Variants in ATF1 observed in about 807,000 individuals in gnomAD.
ATF1 encodes the protein cyclic AMP-dependent transcription factor ATF-1.
A neutral mutation model predicts 34.7 loss-of-function variants in ATF1; 16 were observed. The observed-to-expected ratio is 0.46, with a 90% CI of 0.31 to 0.70. ATF1 has a LOEUF of 0.70. Among genes scored for constraint, ATF1 ranks in the 30% least tolerant of loss-of-function variants. The pLI is 0.05. For synonymous variants in ATF1, 105 were observed against 113.1 expected (o/e 0.93, Z 0.46); for missense variants, 255 against 321.6 (o/e 0.79, Z 1.58).
chr12:50,817,037 A>G (rs919462043), intron 6 of ATF1, among the ~76,000 whole-genome samples: 6 of 152,354 alleles, frequency 3.9e-5, no homozygotes, highest in African/African-American at 1.4e-4. Flanking sequence ...ATTTGGAACA[A>G]TGGTCAGGAA....
At chr12:50,813,366 C>T (rs960434305) in intron 4 of ATF1, among the ~76,000 whole-genome samples, 5 of 152,090 alleles carry the variant, frequency 3.3e-5, no homozygotes, top group African/African-American at 1.2e-4. Flanking sequence ...ATAAAGATGA[C>T]TTATTTTCTC....
Position 50,796,058 on chromosome 12 carries a change from G to C in ATF1, c.194+49G>C, listed in dbSNP as rs554643034. On this transcript the variant is annotated intron_variant, in intron 3 of 6. Transcript: ENST00000262053. Reference sequence around the variant, plus strand: ...CCTGCATGTTATGATAGTACCAAATGAGTTCAAGAGGTGCTGTGCAAAGTA... The same window carrying C: ...CCTGCATGTTATGATAGTACCAAATCAGTTCAAGAGGTGCTGTGCAAAGTA... 3.5e-6 allele frequency: 5 copies of C among 1,448,154 alleles called. No individual in the cohort carries two copies. In the South Asian group the frequency reaches 6.1e-5, roughly 18 times the overall value. 89.7% of individuals were successfully genotyped at this position (1,448,154 alleles called of 1,614,324 possible).
rs1019514500 is a variant in ATF1 at position 50,820,166 on chromosome 12, TTA to T, written c.*395_*396del. Reference sequence around the variant, plus strand: ...TTTGCTGAAATTTACCTTTTTTTAGTTATATATATGTGTGTGTGTGTGTGTAA... The same window carrying T: ...TTTGCTGAAATTTACCTTTTTTTAGTTATATATGTGTGTGTGTGTGTGTAA... On this transcript the variant is annotated 3_prime_UTR_variant, in exon 7 of 7. Transcript: ENST00000262053. The T allele has an allele frequency of 3.5e-5, 8 of 225,492 alleles. No homozygotes were observed. Among genetic ancestry groups the T allele is most frequent in the African/African-American group, 6.8e-5 (3 of 44,060 alleles). The allele number at this position is 225,492 out of a possible 1,614,324, so 14.0% of individuals were successfully genotyped here.
At chr12:50,807,967 GC>G (rs1941651941) in intron 3 of ATF1, among the ~76,000 whole-genome samples, 1 of 151,998 alleles carries the variant, frequency 6.6e-6, no homozygotes, top group African/African-American at 2.4e-5. Context: ...GAGCCACCAT[GC>G]CCAGCTAATT....
intron 1 of ATF1, among the ~76,000 whole-genome samples, chr12:50,766,834 C>T (rs1592161585): frequency 6.6e-6 from 1 of 152,154 alleles, no homozygotes; most frequent in Non-Finnish European, 1.5e-5. Context: ...TTCTTATCTA[C>T]TTTGCGTTTC....
intron 6 of ATF1, among the ~76,000 whole-genome samples, chr12:50,818,945 AC>A (rs1478734407): frequency 6.6e-6 from 1 of 152,242 alleles, no homozygotes. Context: ...CTTACATATG[AC>A]TTCACAGAAA....
chr12:50,817,719 A>G (rs1276317442), intron 6 of ATF1, among the ~76,000 whole-genome samples: 4 of 152,214 alleles, frequency 2.6e-5, no homozygotes, highest in Admixed American at 6.5e-5. Context: ...CAACTTTTAT[A>G]TAAAGAGAAA....
intron 1 of ATF1, among the ~76,000 whole-genome samples, chr12:50,766,315 CTAAGAT>C (rs148728407): frequency 3.4e-3 from 513 of 152,260 alleles, no homozygotes; most frequent in African/African-American, 0.012. Flanking sequence ...GGAGGCCCTT[CTAAGAT>C]ATAGGGAGTT....
rs1941525433 is a variant in ATF1, at chr12:50,802,221, AGAAAC to A, written c.194+6213_194+6217del. 6.6e-5 allele frequency among the ~76,000 whole-genome samples: 10 copies of A among 152,346 alleles called. No individual in the cohort carries two copies. In the South Asian group the frequency reaches 2.1e-3, roughly 32 times the overall value. On this transcript the variant is annotated intron_variant, in intron 3 of 6. Transcript: ENST00000262053. ...TATACTTAGATATGAATTTAACAAA[AGAAAC>A]AGAACACATATACTGGAGGCCAGGC...
At chr12:50,795,393 A>T (rs1941389137) in intron 2 of ATF1, among the ~76,000 whole-genome samples, 1 of 152,138 alleles carries the variant, frequency 6.6e-6, no homozygotes, top group Non-Finnish European at 1.5e-5. Context: ...CTATGAGCTC[A>T]TCCAGTCTCA....
At chr12:50,818,047 T>C (rs1483404095) in intron 6 of ATF1, among the ~76,000 whole-genome samples, 4 of 152,126 alleles carry the variant, frequency 2.6e-5, no homozygotes, top group African/African-American at 4.8e-5. Context: ...CTTCCTTTTT[T>C]CCCCCCTTAT....
upstream of ATF1, chr12:50,764,069 C>A (rs1489156625): frequency 1.3e-5 from 2 of 151,418 alleles, no homozygotes; most frequent in Non-Finnish European, 3.0e-5. Flanking sequence ...CGCCCCCGCC[C>A]CCGCCCCCAG....
At chr12:50,778,191 T>C (rs1173254808) in intron 1 of ATF1, among the ~76,000 whole-genome samples, 1 of 150,622 alleles carries the variant, frequency 6.6e-6, no homozygotes, top group African/African-American at 2.4e-5. Flanking sequence ...GTTGAGATCA[T>C]GGGCGTGAGC....
At chr12:50,810,689 T>C (rs1941718809) in intron 4 of ATF1, among the ~76,000 whole-genome samples, 1 of 152,138 alleles carries the variant, frequency 6.6e-6, no homozygotes, top group South Asian at 2.1e-4. Flanking sequence ...CCATTTGTTA[T>C]CTCCCCCTCC....
chr12:50,816,988 T>C (rs1031736112), intron 6 of ATF1, among the ~76,000 whole-genome samples: 4 of 152,172 alleles, frequency 2.6e-5, no homozygotes, highest in African/African-American at 7.2e-5. Context: ...ACCCACCCAA[T>C]TGGCAAAAAT....
At chr12:50,780,276 G>A in intron 2 of ATF1, 38 bp downstream of exon 2, 1 of 1,479,914 alleles carries the variant, frequency 6.8e-7, no homozygotes, top group Non-Finnish European at 9.4e-7. Flanking sequence ...AGCTTGTTAG[G>A]AATATTTTAT....
At chr12:50,782,195 G>A (rs1424752964) in intron 2 of ATF1, among the ~76,000 whole-genome samples, 2 of 152,124 alleles carry the variant, frequency 1.3e-5, no homozygotes, top group South Asian at 2.1e-4. Flanking sequence ...CATAATTAAT[G>A]TAGAATCAGA....
intron 2 of ATF1, among the ~76,000 whole-genome samples, chr12:50,785,278 TATACATACACACAC>T (rs1425441060): frequency 8.7e-5 from 10 of 115,106 alleles, no homozygotes; most frequent in African/African-American, 3.2e-4. Context: ...AAATTATATA[TATACATACACACAC>T]ACACACACAC....
At position 50,809,819 on chromosome 12, in the gene ATF1, C is replaced by CTGTTTTGTTT. The variant is rs71443204; in HGVS notation, c.328+253_328+262dup. The stretch of plus-strand genomic sequence containing the variant: ...GAACTGAGACCTACAACATTAGATA[C>CTGTTTTGTTT]TGTTTTGTTTTGTTTTGTTTTGTTT... On this transcript the variant is annotated intron_variant, in intron 4 of 6. Transcript: ENST00000262053. 4.5e-3 allele frequency among the ~76,000 whole-genome samples: 674 copies of CTGTTTTGTTT among 151,100 alleles called. 5 individuals are homozygous for CTGTTTTGTTT. Among genetic ancestry groups the CTGTTTTGTTT allele is most frequent in the East Asian group, 0.034 (173 of 5,088 alleles).
Sources: gnomAD v4.1 joint callset for allele counts (sites outside exome capture counted in the v4.1 genomes callset) on GRCh38, gnomAD v4.1.1 for gene constraint, MANE v1.5 for transcripts, NCBI Gene and HGNC (gene_info 2026-07-23, HGNC 2026-07-21) for gene names.